MSRA: variants seen among roughly 807,000 people sequenced by gnomAD.
MSRA encodes mitochondrial peptide methionine sulfoxide reductase.
Under a neutral mutation model 31.3 loss-of-function variants are expected in MSRA, and 54 were observed. That is an observed-to-expected ratio of 1.73 (90% CI 1.39 to 2.17). The LOEUF (loss-of-function observed/expected upper bound fraction) is 2.17. Among genes scored for constraint, MSRA ranks in the 30% most tolerant of loss-of-function variants. The probability of loss-of-function intolerance (pLI) is 0.00; values close to 1 mark genes in which losing one functional copy is unlikely to be tolerated. For missense variants in MSRA, 507 were observed against 300.9 expected, an observed-to-expected ratio of 1.69 and a Z score of -5.07; for synonymous variants, 169 against 116.5, an observed-to-expected ratio of 1.45 and a Z score of -2.90.
At chr8:10,242,937 C>G (rs1797413394) in intron 2 of MSRA, among the ~76,000 whole-genome samples, 1 of 152,180 alleles carries the variant, frequency 6.6e-6, no homozygotes, top group Non-Finnish European at 1.5e-5. Context: ...AGACCCTTGC[C>G]CACCTGCATC....
At chr8:10,381,408 G>C (rs926528309) in intron 5 of MSRA, among the ~76,000 whole-genome samples, 1 of 152,178 alleles carries the variant, frequency 6.6e-6, no homozygotes, top group Non-Finnish European at 1.5e-5. Flanking sequence ...CCTCAGAAAG[G>C]ACATGTCCTG....
intron 3 of MSRA, among the ~76,000 whole-genome samples, chr8:10,259,478 G>T (rs939825277): frequency 2.0e-5 from 3 of 152,146 alleles, no homozygotes; most frequent in Admixed American, 6.5e-5. Context: ...GTAGGGACCC[G>T]TGACATTCTC....
At chr8:10,419,762 G>C (rs1273674855) in intron 5 of MSRA, among the ~76,000 whole-genome samples, 1 of 152,202 alleles carries the variant, frequency 6.6e-6, no homozygotes, top group Non-Finnish European at 1.5e-5. Flanking sequence ...GGGCAGGCGG[G>C]CAAGTCTAGC....
chr8:10,256,768 GT>G (rs890981866), intron 3 of MSRA, among the ~76,000 whole-genome samples: 3 of 152,004 alleles, frequency 2.0e-5, no homozygotes, highest in Admixed American at 6.6e-5. Flanking sequence ...GTATTTCTCT[GT>G]CCCCCCGAGG....
At chr8:10,421,443 C>T (rs78127173) in intron 5 of MSRA, among the ~76,000 whole-genome samples, 1,604 of 152,240 alleles carry the variant, frequency 0.011, 22 homozygotes, top group African/African-American at 0.037. Flanking sequence ...ACCTTGCCCA[C>T]TGGTGCCCAC....
chr8:10,061,969 C>G (rs1488724316), intron 1 of MSRA, among the ~76,000 whole-genome samples: 1 of 152,160 alleles, frequency 6.6e-6, no homozygotes. Context: ...GATCTTCAGG[C>G]TCAGGAGTTA....
intron 3 of MSRA, among the ~76,000 whole-genome samples, chr8:10,254,486 A>T (rs576374555): frequency 6.6e-6 from 1 of 152,346 alleles, no homozygotes; most frequent in African/African-American, 2.4e-5. Flanking sequence ...AATTGAAAAC[A>T]TAATGTTCTC....
At chr8:10,214,109 C>T (rs1028543438) in intron 2 of MSRA, among the ~76,000 whole-genome samples, 1 of 152,124 alleles carries the variant, frequency 6.6e-6, no homozygotes, top group Non-Finnish European at 1.5e-5. Flanking sequence ...ATTCTTCAAA[C>T]AAGAGTGGGG....
At chr8:10,316,567 T>TCTCC (rs1554524287) in intron 4 of MSRA, among the ~76,000 whole-genome samples, 2 of 145,218 alleles carry the variant, frequency 1.4e-5, no homozygotes, top group Middle Eastern at 3.5e-3. Context: ...TCTCTCTCTC[T>TCTCC]CTCTCTCCTT....
chr8:10,054,477 G>T lies in MSRA; in HGVS notation c.-40G>T. The stretch of plus-strand genomic sequence containing the variant: ...TCCGGCTGCGGCTCCGCTGCCGGTA[G>T]CGCCGTCCCCCGGGACCACCCTTCG... On this transcript the variant is annotated 5_prime_UTR_variant, in exon 1 of 6. Coordinates refer to ENST00000317173, the MANE Select transcript of MSRA (RefSeq NM_012331.5). 1 of 1,543,456 alleles carries T rather than the reference G, an allele frequency of 6.5e-7. No individual in the cohort carries two copies. The highest frequency in any genetic ancestry group is 1.9e-5 in the Admixed American group (1 of 51,902).
chr8:10,404,904 C>G (rs533907314), intron 5 of MSRA, among the ~76,000 whole-genome samples: 1 of 152,210 alleles, frequency 6.6e-6, no homozygotes, highest in Non-Finnish European at 1.5e-5. Context: ...AGCGGCACAG[C>G]TGTGCACCCA....
chr8:10,381,156 A>G (rs964846787), intron 5 of MSRA, among the ~76,000 whole-genome samples: 13 of 152,124 alleles, frequency 8.5e-5, no homozygotes, highest in Admixed American at 3.3e-4. Context: ...GGTCTCTCCC[A>G]AACCTTTCCC....
intron 5 of MSRA, among the ~76,000 whole-genome samples, chr8:10,356,759 G>C (rs1309474547): frequency 2.6e-5 from 4 of 151,994 alleles, no homozygotes; most frequent in African/African-American, 4.8e-5. Flanking sequence ...GGACTTCCTA[G>C]CCTCCAGAAC....
At chr8:10,116,109 G>A (rs202053387) in intron 1 of MSRA, among the ~76,000 whole-genome samples, 1 of 152,134 alleles carries the variant, frequency 6.6e-6, no homozygotes, top group East Asian at 1.9e-4. Context: ...GAAGCTACAT[G>A]TCAAAGGAAA....
In MSRA at chr8:10,167,891, G is replaced by A. The variant is rs2129045031; in HGVS notation, c.143-39942G>A. ...AAAAAACATTGCCACTGCCCTAGAA[G>A]GCCCTATACCCTGATGTTATTTAAG... On this transcript the variant is annotated intron_variant, in intron 1 of 5. Coordinates refer to ENST00000317173, the MANE Select transcript of MSRA (RefSeq NM_012331.5). Among the ~76,000 whole-genome samples the A allele has an allele frequency of 1.3e-5, 2 of 152,258 alleles. 1 individual carries two copies. Among genetic ancestry groups the A allele is most frequent in the South Asian group, 4.1e-4 (2 of 4,832 alleles).
chr8:10,083,368 C>T (rs990208598), intron 1 of MSRA, among the ~76,000 whole-genome samples: 3 of 152,184 alleles, frequency 2.0e-5, no homozygotes, highest in African/African-American at 7.2e-5. Context: ...ATATGTGACA[C>T]ATTTCCCTGT....
chr8:10,095,707 C>T, intron 1 of MSRA: 1 of 1,051,894 alleles, frequency 9.5e-7, no homozygotes, highest in South Asian at 4.6e-5. Flanking sequence ...TACAGAAAAA[C>T]TCAGAACTTT....
At chr8:10,377,807 C>G (rs941931190) in intron 5 of MSRA, among the ~76,000 whole-genome samples, 3 of 152,160 alleles carry the variant, frequency 2.0e-5, no homozygotes, top group African/African-American at 7.2e-5. Flanking sequence ...CAGCCACGTG[C>G]TGGGTGTGGA....
At chr8:10,268,743 T>G (rs55976349) in intron 3 of MSRA, among the ~76,000 whole-genome samples, 132 of 152,358 alleles carry the variant, frequency 8.7e-4, no homozygotes, top group Admixed American at 6.7e-3. Context: ...AGGTTTCTTT[T>G]GAGCAGGGCT....
Sources: allele counts gnomAD v4.1 joint callset (sites outside exome capture counted in the v4.1 genomes callset), GRCh38; gene constraint gnomAD v4.1.1; transcripts MANE v1.5; gene names NCBI Gene and HGNC (gene_info 2026-07-23, HGNC 2026-07-21).